NFATC3: variants seen among roughly 807,000 people sequenced by gnomAD.
NFATC3 encodes nuclear factor of activated T cells 3.
Under a neutral mutation model 98.6 loss-of-function variants are expected in NFATC3, and 46 were observed. The ratio of observed to expected loss-of-function variants is 0.47; its 90% CI spans 0.37 to 0.60. The LOEUF is 0.60. Among genes scored for constraint, NFATC3 ranks in the 20% least tolerant of loss-of-function variants. The pLI, the probability that NFATC3 is intolerant of heterozygous loss-of-function variation, is 0.00. For synonymous variants in NFATC3, 512 were observed against 472.2 expected, an observed-to-expected ratio of 1.08 and a Z score of -1.09; for missense variants, 1,256 against 1,295.5, an observed-to-expected ratio of 0.97 and a Z score of 0.47.
intron 4 of NFATC3, among the ~76,000 whole-genome samples, chr16:68,161,876 C>T (rs920957323): frequency 3.9e-5 from 6 of 152,128 alleles, no homozygotes; most frequent in South Asian, 2.1e-4. Context: ...GGGAAAGGCT[C>T]ATATCCCAAA....
intron 1 of NFATC3, among the ~76,000 whole-genome samples, chr16:68,121,242 C>CTTTTCT (rs2036559384): frequency 9.8e-6 from 1 of 102,392 alleles, no homozygotes; most frequent in African/African-American, 3.9e-5. Context: ...CTTTTCTTTT[C>CTTTTCT]TTTTTTTTTT....
intron 9 of NFATC3, among the ~76,000 whole-genome samples, chr16:68,223,241 A>C (rs1567557403): frequency 1.3e-5 from 2 of 152,230 alleles, no homozygotes; most frequent in Non-Finnish European, 2.9e-5. Context: ...ATTTACTTAA[A>C]TATCATCTGA....
intron 9 of NFATC3, among the ~76,000 whole-genome samples, chr16:68,194,564 C>T (rs1251891843): frequency 6.6e-6 from 1 of 152,148 alleles, no homozygotes; most frequent in African/African-American, 2.4e-5. Context: ...TTTCTTTTAG[C>T]AGTTTTAGAC....
chr16:68,161,689 T>G (rs1016291535), intron 4 of NFATC3, among the ~76,000 whole-genome samples: 1 of 152,250 alleles, frequency 6.6e-6, no homozygotes, highest in Non-Finnish European at 1.5e-5. Flanking sequence ...TATAGTAATT[T>G]GTACAACTCT....
chr16:68,181,423 G>C, intron 6 of NFATC3, 52 bp from the exon 7 acceptor site: 2 of 1,355,470 alleles, frequency 1.5e-6, no homozygotes, highest in Non-Finnish European at 2.1e-6. Context: ...GATTTTGTCT[G>C]TATGCTTTCT....
At chr16:68,127,866 C>T (rs2036920689) in intron 3 of NFATC3, among the ~76,000 whole-genome samples, 1 of 152,082 alleles carries the variant, frequency 6.6e-6, no homozygotes, top group African/African-American at 2.4e-5. Flanking sequence ...TCTTTACCTC[C>T]TGAATTTTCT....
rs397955987 is a variant in NFATC3 at position 68,226,897 on chromosome 16, C to CAAAAAAAAAAAAAAAAAAAAAA, written c.*431_*452dup. 5.2e-3 allele frequency: 157 copies of CAAAAAAAAAAAAAAAAAAAAAA among 30,340 alleles called. 2 individuals carry two copies. Among genetic ancestry groups the CAAAAAAAAAAAAAAAAAAAAAA allele is most frequent in the South Asian group, 6.9e-3 (4 of 580 alleles). The allele number at this position is 30,340 out of a possible 1,614,324, so 1.9% of individuals were successfully genotyped here. On this transcript the variant is annotated 3_prime_UTR_variant, in exon 10 of 10. Coordinates refer to ENST00000346183, the MANE Select transcript of NFATC3 (RefSeq NM_173165.3). ...AACTTTTGATAAGACCTTCTAGAAG[C>CAAAAAAAAAAAAAAAAAAAAAA]AAAAAAAAAAAAAAAAAAAAAAAAA...
intron 3 of NFATC3, among the ~76,000 whole-genome samples, chr16:68,132,568 A>G (rs1439201323): frequency 1.3e-5 from 2 of 152,226 alleles, no homozygotes; most frequent in Non-Finnish European, 1.5e-5. Flanking sequence ...TAGAAGAGGA[A>G]ATCAGTATAC....
At chr16:68,188,146 A>G (rs1280731701) in intron 8 of NFATC3, among the ~76,000 whole-genome samples, 1 of 152,094 alleles carries the variant, frequency 6.6e-6, no homozygotes, top group Non-Finnish European at 1.5e-5. Context: ...CTCAGCCTCA[A>G]CCTCGCTCCA....
intron 3 of NFATC3, among the ~76,000 whole-genome samples, chr16:68,142,763 G>GA (rs1002787690): frequency 1.9e-4 from 27 of 144,050 alleles, no homozygotes; most frequent in Admixed American, 2.8e-4. Context: ...CTCCAGAAAA[G>GA]AAAAAAAAAA....
chr16:68,226,291 G>A (rs776345422), intron 9 of NFATC3, 59 bp from the exon 10 acceptor site: 8 of 1,524,906 alleles, frequency 5.2e-6, no homozygotes, highest in Middle Eastern at 1.7e-4. Flanking sequence ...TCAGCGTTGG[G>A]CATCATATGG....
chr16:68,129,085 A>G (rs2036989492), intron 3 of NFATC3, among the ~76,000 whole-genome samples: 1 of 152,230 alleles, frequency 6.6e-6, no homozygotes, highest in African/African-American at 2.4e-5. Context: ...ACAGAGACCA[A>G]CCCAGTTTCT....
chr16:68,218,409 AC>A (rs535100223), intron 9 of NFATC3, among the ~76,000 whole-genome samples: 73 of 150,420 alleles, frequency 4.9e-4, no homozygotes, highest in African/African-American at 1.7e-3. Flanking sequence ...CCCTGTTTCT[AC>A]CAAAAATTTA....
intron 1 of NFATC3, among the ~76,000 whole-genome samples, chr16:68,093,923 A>G (rs1226860209): frequency 6.6e-6 from 1 of 152,046 alleles, no homozygotes; most frequent in African/African-American, 2.4e-5. Context: ...AACATATATG[A>G]GTCATGTCTT....
At position 68,123,012 on chromosome 16, in the gene NFATC3, C is replaced by A. The variant is rs2036632830; in HGVS notation, c.1129C>A (p.Leu377Ile). Residue 377 changes from leucine (L) to isoleucine (I), a missense_variant, in exon 2 of 10, where the codon CTT (leucine) becomes ATT (isoleucine). Leu to Ile is a conservative substitution (Grantham distance 5). Coordinates refer to ENST00000346183, the MANE Select transcript of NFATC3 (RefSeq NM_173165.3). ...PARETSIDDG[L>I]GSQYPLKKDS... is the part of the protein sequence containing the mutation. ...CCGGGAGACTTCAATAGATGATGGCCTTGGATCTCAGTATCCTTTAAAGAA... is the reference window on the plus strand; with the variant it reads ...CCGGGAGACTTCAATAGATGATGGCATTGGATCTCAGTATCCTTTAAAGAA... 1 of 1,613,874 alleles carries A rather than the reference C, an allele frequency of 6.2e-7. No homozygotes were observed. The highest frequency in any genetic ancestry group is 8.5e-7 in the Non-Finnish European group (1 of 1,180,038).
rs1136056 is a variant in NFATC3 at position 68,190,773 on chromosome 16, A to G, written c.2104A>G (p.Met702Val). 16 of 1,589,700 alleles carry G rather than the reference A, an allele frequency of 1.0e-5. No individual in the cohort carries two copies. The highest frequency in any genetic ancestry group is 1.3e-5 in the Non-Finnish European group (15 of 1,167,950). ...TTTAATCATTTTCTTTTCAGTTTTGATGAAGCAAGAACACAGAGAAGAGAT... is the reference window on the plus strand; with the variant it reads ...TTTAATCATTTTCTTTTCAGTTTTGGTGAAGCAAGAACACAGAGAAGAGAT... Reference protein sequence around the residue: ...SQRFTYTPVLMKQEHREEIDL... With the variant: ...SQRFTYTPVLVKQEHREEIDL... The change falls in exon 9 of 10, where the codon ATG (methionine) becomes GTG (valine). Residue 702 changes from methionine to valine, a missense_variant. By Grantham distance (21) the Met-to-Val change is conservative. This residue lies in a region of NFATC3 where 636 missense variants were observed against 617.3 expected (regional missense o/e 1.03). Transcript: ENST00000346183.
At chr16:68,214,730 G>T (rs2041565116) in intron 9 of NFATC3, among the ~76,000 whole-genome samples, 1 of 152,192 alleles carries the variant, frequency 6.6e-6, no homozygotes, top group South Asian at 2.1e-4. Flanking sequence ...TATGGTTTGG[G>T]TTGCTCAGTA....
At position 68,166,898 on chromosome 16, in the gene NFATC3, G is replaced by A; in HGVS notation, c.1657G>A (p.Gly553Arg). Residue 553 changes from glycine to arginine, a missense_variant, in exon 5 of 10, where the codon GGA becomes AGA. Physicochemically the swap from Gly to Arg is moderately radical, Grantham distance 125 (BLOSUM62 -2). Transcript: ENST00000346183. The stretch of plus-strand genomic sequence containing the variant: ...CAATTCAGATATAGAACTTCGAAAA[G>A]GAGAAACTGATATTGGCAGAAAGAA... The part of the protein sequence containing the change: ...LRNSDIELRK[G>R]ETDIGRKNTR... 3 of 1,614,124 alleles carry A rather than the reference G, an allele frequency of 1.9e-6. No individual in the cohort carries two copies. The highest frequency in any genetic ancestry group is 2.5e-6 in the Non-Finnish European group (3 of 1,180,008).
rs559308758 is a variant in NFATC3 at position 68,226,544 on chromosome 16, A to G, written c.*73A>G. 1.4e-6 allele frequency: 2 copies of G among 1,423,308 alleles called. No homozygotes were observed. Among genetic ancestry groups the G allele is most frequent in the East Asian group, 5.5e-5 (2 of 36,164 alleles). 88.2% of individuals were successfully genotyped at this position (1,423,308 alleles called of 1,614,324 possible). A position where few individuals can be genotyped will look rare whatever the true frequency, so the allele number is the denominator to read the frequency against. On this transcript the variant is annotated 3_prime_UTR_variant, in exon 10 of 10. Transcript: ENST00000346183. ...TCTCTCCTTGGACCTTGGGTTTCCA[A>G]CTCTGCAGCCTTCAGGTCTGGGGCC...
Sources: gnomAD v4.1 joint callset for allele counts (sites outside exome capture counted in the v4.1 genomes callset) on GRCh38, gnomAD v4.1.1 for gene constraint, gnomAD v4.1.1 regional missense constraint, MANE v1.5 for transcripts, NCBI Gene and HGNC (gene_info 2026-07-23, HGNC 2026-07-21) for gene names.